The following STK39 variants were observed in gnomAD, a reference collection of about 807,000 sequenced individuals.
STK39 encodes serine/threonine kinase 39, also known as STE20/SPS1-related proline-alanine-rich protein kinase.
A neutral mutation model predicts 77.8 loss-of-function variants in STK39; 20 were observed. That is an observed-to-expected ratio of 0.26 (90% CI 0.18 to 0.37). STK39 has a LOEUF of 0.37. Ranked by LOEUF, STK39 falls within the 10% of genes least tolerant of loss-of-function variation. STK39 has a pLI of 1.00. For missense variants in STK39, 479 were observed against 656.5 expected, an observed-to-expected ratio of 0.73 and a Z score of 2.95; for synonymous variants, 246 against 234.1, an observed-to-expected ratio of 1.05 and a Z score of -0.47.
chr2:168,070,666 A>G (rs1004378196), intron 12 of STK39, among the ~76,000 whole-genome samples: 7 of 143,500 alleles, frequency 4.9e-5, no homozygotes, highest in African/African-American at 1.8e-4. Flanking sequence ...TCATTGTTCA[A>G]TTCCCACCTA....
chr2:168,201,564 T>C (rs1303418957), intron 1 of STK39, among the ~76,000 whole-genome samples: 8 of 152,182 alleles, frequency 5.3e-5, no homozygotes, highest in Non-Finnish European at 1.0e-4. Flanking sequence ...GTCAATATTA[T>C]AGATTGCCAG....
intron 1 of STK39, among the ~76,000 whole-genome samples, chr2:168,211,309 G>A (rs944485844): frequency 1.1e-4 from 16 of 152,308 alleles, no homozygotes; most frequent in Admixed American, 9.1e-4. Flanking sequence ...AGTATAGACT[G>A]CAACTAGAGT....
intron 10 of STK39, among the ~76,000 whole-genome samples, chr2:168,124,502 A>G (rs775422495): frequency 6.6e-6 from 1 of 152,076 alleles, no homozygotes; most frequent in Admixed American, 6.5e-5. Context: ...CCGGATTCAA[A>G]TGATTCTCCT....
Position 168,016,387 on chromosome 2 carries a change from C to CAAAAA in STK39, c.1429+651_1429+655dup, listed in dbSNP as rs869084308. On this transcript the variant is annotated intron_variant, in intron 15 of 17. Transcript: ENST00000355999. ...TTTTGTTTGGCTGGTGGCCTTTGTT[C>CAAAAA]AAAAAAAAAAAAAAAAAAAAAAAAA... Among the ~76,000 whole-genome samples, 442 of 65,666 alleles carry CAAAAA rather than the reference C, an allele frequency of 6.7e-3. 50 individuals carry two copies. The highest frequency in any genetic ancestry group is 9.2e-3 in the Non-Finnish European group (330 of 35,968). The allele number at this position is 65,666 out of a possible 152,430, so 43.1% of individuals were successfully genotyped here.
At position 168,008,477 on chromosome 2, in the gene STK39, G is replaced by T. The variant is rs555275162; in HGVS notation, c.1498+4157C>A. Among the ~76,000 whole-genome samples, 39 of 152,332 alleles carry T rather than the reference G, an allele frequency of 2.6e-4. 1 individual carries two copies. The highest frequency in any genetic ancestry group is 3.4e-3 in the Middle Eastern group (1 of 294). On this transcript the variant is annotated intron_variant, in intron 16 of 17. Coordinates refer to ENST00000355999, the MANE Select transcript of STK39 (RefSeq NM_013233.3). ...GGCAGGCTGGGAAGAAACACCAGGG[G>T]CTGGATTTTGAAGCTGTGGATTAAA... is the stretch of plus-strand genomic sequence containing the variant.
chr2:168,063,633 C>T (rs1685720389), intron 13 of STK39, 63 bp from the exon 14 acceptor site: 3 of 1,427,928 alleles, frequency 2.1e-6, no homozygotes, highest in Middle Eastern at 1.8e-4. Flanking sequence ...AATAAAATCA[C>T]AATATCACTT....
chr2:168,177,845 C>T (rs1341358385), intron 2 of STK39, among the ~76,000 whole-genome samples: 1 of 152,200 alleles, frequency 6.6e-6, no homozygotes, highest in African/African-American at 2.4e-5. Flanking sequence ...AAAGCAGGAA[C>T]TCCCTCAAGG....
At chr2:168,002,328 T>TTA (rs1559052129) in intron 16 of STK39, among the ~76,000 whole-genome samples, 1 of 152,256 alleles carries the variant, frequency 6.6e-6, no homozygotes, top group Admixed American at 6.5e-5. Flanking sequence ...ATTACAGATG[T>TTA]TATTTTATGC....
At chr2:167,987,638 C>T (rs925817899) in intron 16 of STK39, among the ~76,000 whole-genome samples, 6 of 152,208 alleles carry the variant, frequency 3.9e-5, no homozygotes, top group African/African-American at 1.4e-4. Flanking sequence ...TGGCAAAATC[C>T]TAATGTTTTA....
At chr2:168,135,779 G>C (rs1458154569) in intron 8 of STK39, among the ~76,000 whole-genome samples, 1 of 152,160 alleles carries the variant, frequency 6.6e-6, no homozygotes, top group African/African-American at 2.4e-5. Context: ...AGCTACCTGG[G>C]AAGGTGATGT....
chr2:167,992,589 C>T (rs1410745392), intron 16 of STK39, among the ~76,000 whole-genome samples: 6 of 152,152 alleles, frequency 3.9e-5, no homozygotes, highest in South Asian at 2.1e-4. Context: ...TGAGTGCCTA[C>T]GTTCATTCCT....
In STK39 at chr2:168,045,521, T is replaced by C. The variant is rs190579662; in HGVS notation, c.1376+17979A>G. The stretch of plus-strand genomic sequence containing the variant: ...ATATTTTCTCTGTTTATATCCTTAT[T>C]TTCTTAAACCAAAATATAAGATCTT... On this transcript the variant is annotated intron_variant, in intron 14 of 17. Coordinates refer to ENST00000355999, the MANE Select transcript of STK39 (RefSeq NM_013233.3). Among the ~76,000 whole-genome samples, 881 of 152,364 alleles carry C rather than the reference T, an allele frequency of 5.8e-3. 7 individuals carry two copies. Among genetic ancestry groups the C allele is most frequent in the African/African-American group, 0.018 (763 of 41,590 alleles).
intron 14 of STK39, among the ~76,000 whole-genome samples, chr2:168,017,841 C>T (rs898865554): frequency 2.0e-5 from 3 of 151,948 alleles, no homozygotes; most frequent in African/African-American, 7.3e-5. Flanking sequence ...TCATGTAGCA[C>T]AACACCAAGA....
At chr2:168,051,577 T>C (rs949892144) in intron 14 of STK39, among the ~76,000 whole-genome samples, 4 of 152,090 alleles carry the variant, frequency 2.6e-5, no homozygotes, top group Non-Finnish European at 5.9e-5. Flanking sequence ...TACAATGCTG[T>C]GGAACTTAAG....
chr2:168,177,363 A>T (rs183875602), intron 2 of STK39, among the ~76,000 whole-genome samples: 70 of 152,330 alleles, frequency 4.6e-4, no homozygotes, highest in Non-Finnish European at 3.1e-4. Flanking sequence ...TGTAGGAATG[A>T]GCAAATGAGG....
At chr2:167,985,051 T>G (rs1343105918) in intron 16 of STK39, among the ~76,000 whole-genome samples, 1 of 152,228 alleles carries the variant, frequency 6.6e-6, no homozygotes, top group Non-Finnish European at 1.5e-5. Context: ...CTGTCTCATA[T>G]ATTCTAAGAC....
At chr2:168,089,409 A>G (rs1686456651) in intron 10 of STK39, among the ~76,000 whole-genome samples, 1 of 152,258 alleles carries the variant, frequency 6.6e-6, no homozygotes, top group Admixed American at 6.5e-5. Flanking sequence ...AACAGAAAGT[A>G]TAAGTAACCA....
chr2:168,032,587 A>T (rs965334837), intron 14 of STK39, among the ~76,000 whole-genome samples: 6 of 152,234 alleles, frequency 3.9e-5, no homozygotes, highest in Admixed American at 3.3e-4. Flanking sequence ...AAAATTTAAT[A>T]AAGGATGTCA....
At chr2:168,100,462 C>T (rs1335036257) in intron 10 of STK39, among the ~76,000 whole-genome samples, 1 of 152,100 alleles carries the variant, frequency 6.6e-6, no homozygotes, top group Non-Finnish European at 1.5e-5. Flanking sequence ...GAGGCCTGGG[C>T]TATGTTACCC....
Sources: allele counts gnomAD v4.1 joint callset (sites outside exome capture counted in the v4.1 genomes callset), GRCh38; gene constraint gnomAD v4.1.1; transcripts MANE v1.5; gene names NCBI Gene and HGNC (gene_info 2026-07-23, HGNC 2026-07-21).